Variants in PTPRD observed in about 807,000 individuals in gnomAD.
PTPRD encodes the protein protein tyrosine phosphatase receptor type D.
A neutral mutation model predicts 214.5 loss-of-function variants in PTPRD; 34 were observed. The ratio of observed to expected loss-of-function variants is 0.16; its 90% CI spans 0.12 to 0.21. The LOEUF (loss-of-function observed/expected upper bound fraction) is 0.21. Among genes scored for constraint, PTPRD ranks in the 10% least tolerant of loss-of-function variants. The probability of loss-of-function intolerance (pLI) is 1.00; values close to 1 mark genes in which losing one functional copy is unlikely to be tolerated. For missense variants in PTPRD, 2,545 were observed against 2,398.7 expected (o/e 1.06, Z -1.27); for synonymous variants, 1,128 against 845.7 (o/e 1.33, Z -5.79).
chr9:10,568,803 T>C (rs989920637), intron 2 of PTPRD, among the ~76,000 whole-genome samples: 2 of 152,064 alleles, frequency 1.3e-5, no homozygotes, highest in Admixed American at 1.3e-4. Flanking sequence ...ACGTTAGACC[T>C]AAAACCATAA....
At chr9:10,331,480 T>C (rs1345132702) in intron 3 of PTPRD, among the ~76,000 whole-genome samples, 1 of 151,760 alleles carries the variant, frequency 6.6e-6, no homozygotes, top group East Asian at 1.9e-4. Context: ...TGATTCACAG[T>C]TTTTTTGTGT....
intron 11 of PTPRD, among the ~76,000 whole-genome samples, chr9:8,880,363 C>T (rs16928544): frequency 0.095 from 14,513 of 152,180 alleles, 1,042 homozygotes; most frequent in East Asian, 0.32. Context: ...GCGCATCCTC[C>T]CTTAGTGTTA....
intron 5 of PTPRD, among the ~76,000 whole-genome samples, chr9:9,934,374 T>TA (rs1259955337): frequency 6.8e-6 from 1 of 147,248 alleles, no homozygotes; most frequent in Admixed American, 6.7e-5. Context: ...ATAGATGCAA[T>TA]AAAAAATGAT....
chr9:9,201,018 G>A (rs915590435), intron 9 of PTPRD, among the ~76,000 whole-genome samples: 1 of 152,190 alleles, frequency 6.6e-6, no homozygotes, highest in Non-Finnish European at 1.5e-5. Flanking sequence ...TGAAGGGTTA[G>A]AATAGCAGGA....
At chr9:10,161,800 A>G (rs556661135) in intron 3 of PTPRD, among the ~76,000 whole-genome samples, 18 of 151,982 alleles carry the variant, frequency 1.2e-4, no homozygotes, top group African/African-American at 4.1e-4. Context: ...CCATCTGACA[A>G]AAGATTAATA....
intron 12 of PTPRD, among the ~76,000 whole-genome samples, chr9:8,648,134 G>A (rs922665217): frequency 2.0e-5 from 3 of 152,156 alleles, no homozygotes; most frequent in African/African-American, 7.2e-5. Context: ...GCAGAAAAGT[G>A]GAAATGGTAT....
intron 11 of PTPRD, among the ~76,000 whole-genome samples, chr9:8,999,831 G>A (rs1317129168): frequency 6.6e-5 from 10 of 151,952 alleles, no homozygotes; most frequent in Non-Finnish European, 8.8e-5. Flanking sequence ...TTTGATGACC[G>A]CAGTCTGTAG....
intron 3 of PTPRD, among the ~76,000 whole-genome samples, chr9:10,203,872 A>G (rs927331599): frequency 6.6e-6 from 1 of 152,152 alleles, no homozygotes; most frequent in Non-Finnish European, 1.5e-5. Context: ...TTCCTAACCT[A>G]TAAATTATAA....
At chr9:8,414,930 G>GGGGGGA (rs1491158344) in intron 35 of PTPRD, among the ~76,000 whole-genome samples, 1 of 49,252 alleles carries the variant, frequency 2.0e-5, no homozygotes, top group African/African-American at 7.8e-5. Context: ...AGAGGGAGGG[G>GGGGGGA]GAGAGAGAGA....
intron 4 of PTPRD, among the ~76,000 whole-genome samples, chr9:9,970,429 C>CAAAAAAAA (rs35445219): frequency 1.1e-5 from 1 of 92,128 alleles, no homozygotes. Flanking sequence ...GACTCCTTCT[C>CAAAAAAAA]AAAAAAAAAA....
At chr9:9,000,935 G>C (rs72692815) in intron 11 of PTPRD, among the ~76,000 whole-genome samples, 2 of 151,784 alleles carry the variant, frequency 1.3e-5, no homozygotes, top group Admixed American at 6.6e-5. Context: ...TATTGCACCT[G>C]AGTCATACCT....
intron 37 of PTPRD, among the ~76,000 whole-genome samples, chr9:8,387,746 C>T (rs2087711659): frequency 6.6e-6 from 1 of 152,140 alleles, no homozygotes; most frequent in South Asian, 2.1e-4. Flanking sequence ...CCCCAGTATA[C>T]TCATATGTAA....
chr9:10,217,630 G>T (rs552375009), intron 3 of PTPRD, among the ~76,000 whole-genome samples: 3 of 151,880 alleles, frequency 2.0e-5, no homozygotes, highest in Middle Eastern at 3.4e-3. Flanking sequence ...CTGTCCAAGA[G>T]GAAAAAATGA....
At position 10,132,448 on chromosome 9, in the gene PTPRD, G is replaced by C. The variant is rs775992282; in HGVS notation, c.-544-98658C>G. ...ACACCTGCCATATGATGAGGACTAC[G>C]TTAAACATGGGAATGAGGAGATCCA... is the stretch of plus-strand genomic sequence containing the variant. On this transcript the variant is annotated intron_variant, in intron 3 of 45. Transcript: ENST00000381196. 6.6e-5 allele frequency among the ~76,000 whole-genome samples: 10 copies of C among 151,786 alleles called. 1 individual carries two copies. The highest frequency in any genetic ancestry group is 1.0e-4 in the Non-Finnish European group (7 of 68,022).
intron 39 of PTPRD, among the ~76,000 whole-genome samples, chr9:8,361,806 T>C (rs1337166243): frequency 6.7e-6 from 1 of 148,886 alleles, no homozygotes; most frequent in African/African-American, 2.6e-5. Flanking sequence ...AAAAAAATTC[T>C]GAAAAAACAG....
intron 21 of PTPRD, among the ~76,000 whole-genome samples, chr9:8,509,509 C>T (rs1446866131): frequency 6.6e-6 from 1 of 152,138 alleles, no homozygotes; most frequent in Non-Finnish European, 1.5e-5. Context: ...AACCGGACTA[C>T]AGTATGGTCA....
intron 11 of PTPRD, among the ~76,000 whole-genome samples, chr9:9,003,372 T>C (rs771791620): frequency 6.6e-6 from 1 of 152,016 alleles, no homozygotes; most frequent in Admixed American, 6.6e-5. Context: ...GTCCTTTTGT[T>C]ACCCAAAGCC....
chr9:9,369,518 T>C (rs2058848150), intron 9 of PTPRD, among the ~76,000 whole-genome samples: 1 of 152,144 alleles, frequency 6.6e-6, no homozygotes, highest in Non-Finnish European at 1.5e-5. Flanking sequence ...TAGCCTTTTG[T>C]CAGATGGGTA....
At chr9:9,892,400 G>T (rs930430422) in intron 5 of PTPRD, among the ~76,000 whole-genome samples, 5 of 152,054 alleles carry the variant, frequency 3.3e-5, no homozygotes, top group Non-Finnish European at 7.4e-5. Context: ...AACCCTGAGA[G>T]TGTGTGCACA....
Sources: gnomAD v4.1 joint callset for allele counts (sites outside exome capture counted in the v4.1 genomes callset) on GRCh38, gnomAD v4.1.1 for gene constraint, MANE v1.5 for transcripts, NCBI Gene and HGNC (gene_info 2026-07-23, HGNC 2026-07-21) for gene names.